The following SGCD variants were observed in gnomAD, a reference collection of about 807,000 sequenced individuals.
SGCD encodes sarcoglycan delta.
SGCD carries 18 observed loss-of-function variants against 36.6 expected under a neutral mutation model. The ratio of observed to expected loss-of-function variants is 0.49; its 90% CI spans 0.34 to 0.73. The LOEUF (loss-of-function observed/expected upper bound fraction) is 0.73. Among genes scored for constraint, SGCD ranks in the 30% least tolerant of loss-of-function variants. The pLI, the probability that SGCD is intolerant of heterozygous loss-of-function variation, is 0.01. For synonymous variants in SGCD, 133 were observed against 130.6 expected (o/e 1.02, Z -0.12); for missense variants, 387 against 346.7 (o/e 1.12, Z -0.92).
At chr5:155,892,302 A>G (rs1756150803) in intron 1 of SGCD, among the ~76,000 whole-genome samples, 1 of 152,038 alleles carries the variant, frequency 6.6e-6, no homozygotes, top group South Asian at 2.1e-4. Context: ...CTAAAAATAC[A>G]AAAATTAGCT....
chr5:155,820,690 T>C, the SGCD span, among the ~76,000 whole-genome samples: 2 of 152,026 alleles, frequency 1.3e-5, no homozygotes, highest in African/African-American at 2.4e-5. Context: ...GAGTGAAATG[T>C]TGTCTCAAGA....
chr5:156,733,341 A>G (rs1756178014), intron 7 of SGCD, among the ~76,000 whole-genome samples: 3 of 151,860 alleles, frequency 2.0e-5, no homozygotes, highest in South Asian at 4.2e-4. Flanking sequence ...TTCAATTTCC[A>G]TGTAGTTGTG....
At chr5:156,306,380 T>A (rs1581232435) in intron 3 of SGCD, among the ~76,000 whole-genome samples, 1 of 152,216 alleles carries the variant, frequency 6.6e-6, no homozygotes, top group East Asian at 1.9e-4. Flanking sequence ...CCATGTATGA[T>A]GTGACTTGTT....
chr5:156,450,901 C>CA (rs561223398), intron 3 of SGCD, among the ~76,000 whole-genome samples: 45 of 151,118 alleles, frequency 3.0e-4, no homozygotes, highest in East Asian at 1.2e-3. Context: ...TAGAAAATTT[C>CA]AAAAAAAAGA....
At chr5:155,749,466 A>G in the SGCD span, among the ~76,000 whole-genome samples, 1 of 152,236 alleles carries the variant, frequency 6.6e-6, no homozygotes, top group African/African-American at 2.4e-5. Flanking sequence ...TATCCTTGTC[A>G]AGCATTTATT....
chr5:155,900,575 T>TC (rs1756367945), intron 1 of SGCD, among the ~76,000 whole-genome samples: 1 of 57,900 alleles, frequency 1.7e-5, no homozygotes, highest in South Asian at 6.8e-4. Context: ...CCCTCCCCCC[T>TC]CCCCCCACTC....
At chr5:156,343,641 G>A (rs1768786956) in intron 2 of SGCD, among the ~76,000 whole-genome samples, 1 of 152,042 alleles carries the variant, frequency 6.6e-6, no homozygotes, top group Admixed American at 6.6e-5. Flanking sequence ...TCAACAGCAG[G>A]GACTTGGAAA....
At chr5:155,757,451 C>T in the SGCD span, among the ~76,000 whole-genome samples, 8 of 152,172 alleles carry the variant, frequency 5.3e-5, no homozygotes, top group Non-Finnish European at 7.4e-5. Context: ...TTCAGTAGGG[C>T]GGGTAATATT....
At chr5:156,615,660 C>T (rs1391984778) in intron 6 of SGCD, among the ~76,000 whole-genome samples, 1 of 152,166 alleles carries the variant, frequency 6.6e-6, no homozygotes. Flanking sequence ...ATCACTGCTA[C>T]AGGTGCCACA....
chr5:156,300,308 GTA>G (rs1272564516), intron 3 of SGCD, among the ~76,000 whole-genome samples: 1 of 151,640 alleles, frequency 6.6e-6, no homozygotes, highest in Non-Finnish European at 1.5e-5. Context: ...ATGGGTTTTG[GTA>G]TATTGTTTTT....
chr5:155,931,158 C>G (rs1757091698), intron 1 of SGCD, among the ~76,000 whole-genome samples: 1 of 151,924 alleles, frequency 6.6e-6, no homozygotes, highest in Admixed American at 6.6e-5. Flanking sequence ...TTACCAAACA[C>G]TAAAGAAAAG....
intron 7 of SGCD, among the ~76,000 whole-genome samples, chr5:156,738,047 A>AAAAT (rs1364044014): frequency 6.6e-6 from 1 of 152,226 alleles, no homozygotes; most frequent in Non-Finnish European, 1.5e-5. Context: ...ATTGCTAATT[A>AAAAT]AAATAATCAA....
chr5:156,672,789 C>G (rs1305731555), intron 7 of SGCD, among the ~76,000 whole-genome samples: 1 of 152,208 alleles, frequency 6.6e-6, no homozygotes, highest in Admixed American at 6.5e-5. Flanking sequence ...CAGAAGTCCT[C>G]TGTCCCCTGT....
chr5:156,636,087 G>A (rs953214219), intron 6 of SGCD, among the ~76,000 whole-genome samples: 2 of 152,052 alleles, frequency 1.3e-5, no homozygotes, highest in African/African-American at 4.8e-5. Context: ...ATCAAAGGTT[G>A]TAAACCCAGC....
chr5:155,742,886 A>G, the SGCD span, among the ~76,000 whole-genome samples: 2 of 152,220 alleles, frequency 1.3e-5, no homozygotes, highest in Non-Finnish European at 2.9e-5. Context: ...TTAATTTGCT[A>G]AAGAGGCTCA....
At chr5:156,452,200 A>G (rs781336406) in intron 3 of SGCD, among the ~76,000 whole-genome samples, 1 of 152,034 alleles carries the variant, frequency 6.6e-6, no homozygotes, top group Admixed American at 6.6e-5. Context: ...TGCTCATCTC[A>G]CTTCCAATCA....
rs573708264 is a variant in SGCD, at chr5:156,070,494, A to G, written c.-281-47384A>G. 8.9e-3 allele frequency among the ~76,000 whole-genome samples: 1,241 copies of G among 139,480 alleles called. 35 individuals carry two copies. The highest frequency in any genetic ancestry group is 0.038 in the African/African-American group (1,129 of 29,982). The allele number at this position is 139,480 out of a possible 152,430, so 91.5% of individuals were successfully genotyped here. ...CAGGGATGAAGCCCACTTGATCATG[A>G]CTGATAAGCTTTTTGATGTGCTGCT... is the stretch of plus-strand genomic sequence containing the variant. On this transcript the variant is annotated intron_variant, in intron 1 of 9. Transcript: ENST00000517913.
chr5:156,273,185 C>A (rs1461425956), intron 3 of SGCD, among the ~76,000 whole-genome samples: 1 of 152,200 alleles, frequency 6.6e-6, no homozygotes, highest in East Asian at 1.9e-4. Context: ...TTTACCCCCA[C>A]ATCATCACCT....
intron 3 of SGCD, among the ~76,000 whole-genome samples, chr5:156,361,293 T>G (rs1022213187): frequency 1.3e-5 from 2 of 152,232 alleles, no homozygotes; most frequent in African/African-American, 2.4e-5. Context: ...GGAAAAATCC[T>G]GATGTGCACA....
Sources: gnomAD v4.1 joint callset for allele counts (sites outside exome capture counted in the v4.1 genomes callset) on GRCh38, gnomAD v4.1.1 for gene constraint, MANE v1.5 for transcripts, NCBI Gene and HGNC (gene_info 2026-07-23, HGNC 2026-07-21) for gene names.